Variants in PCDH9 observed in about 807,000 individuals in gnomAD.
The protein encoded by PCDH9 is protocadherin-9.
Under a neutral mutation model 70.6 loss-of-function variants are expected in PCDH9, and 24 were observed. That is an observed-to-expected ratio of 0.34 (90% CI 0.25 to 0.48). The LOEUF is 0.48. Among genes scored for constraint, PCDH9 ranks in the 20% least tolerant of loss-of-function variants. The probability of loss-of-function intolerance (pLI) is 0.99; values close to 1 mark genes in which losing one functional copy is unlikely to be tolerated. For synonymous variants in PCDH9, 562 were observed against 558.5 expected (o/e 1.01, Z -0.09); for missense variants, 1,281 against 1,503.6 (o/e 0.85, Z 2.45).
chr13:66,996,856 T>C (rs1374739833), intron 2 of PCDH9, among the ~76,000 whole-genome samples: 1 of 152,170 alleles, frequency 6.6e-6, no homozygotes, highest in Non-Finnish European at 1.5e-5. Flanking sequence ...AGGATTTTTA[T>C]AGAAAATTCA....
At chr13:66,606,028 A>G (rs1213320394) in intron 4 of PCDH9, among the ~76,000 whole-genome samples, 1 of 152,032 alleles carries the variant, frequency 6.6e-6, no homozygotes, top group Non-Finnish European at 1.5e-5. Flanking sequence ...TCGCCATTCC[A>G]TGGGGCTCCC....
At chr13:66,783,756 T>C (rs2080036501) in intron 3 of PCDH9, among the ~76,000 whole-genome samples, 1 of 152,164 alleles carries the variant, frequency 6.6e-6, no homozygotes, top group Non-Finnish European at 1.5e-5. Flanking sequence ...TTTGACACTA[T>C]CTATTCTTTC....
intron 4 of PCDH9, among the ~76,000 whole-genome samples, chr13:66,614,197 T>C (rs2077327750): frequency 6.6e-6 from 1 of 152,188 alleles, no homozygotes; most frequent in South Asian, 2.1e-4. Context: ...TAAGAAGGCA[T>C]GGAAATGTAA....
intron 3 of PCDH9, among the ~76,000 whole-genome samples, chr13:66,775,650 T>C (rs1476364530): frequency 6.6e-6 from 1 of 152,248 alleles, no homozygotes; most frequent in Non-Finnish European, 1.5e-5. Flanking sequence ...ATTTTCTTAA[T>C]AACACTTACT....
chr13:66,442,854 A>G (rs566641274), intron 4 of PCDH9, among the ~76,000 whole-genome samples: 1 of 152,348 alleles, frequency 6.6e-6, no homozygotes, highest in African/African-American at 2.4e-5. Flanking sequence ...ATTGACAAAA[A>G]GAATACTTAT....
chr13:67,045,554 A>G (rs933551993), intron 2 of PCDH9, among the ~76,000 whole-genome samples: 8 of 151,996 alleles, frequency 5.3e-5, no homozygotes, highest in Non-Finnish European at 8.8e-5. Flanking sequence ...CAACAACAAG[A>G]AAAACAAACA....
intron 2 of PCDH9, among the ~76,000 whole-genome samples, chr13:67,056,191 CTTAT>C (rs2138111304): frequency 6.6e-6 from 1 of 152,214 alleles, no homozygotes; most frequent in South Asian, 2.1e-4. Flanking sequence ...TTACAATTTA[CTTAT>C]TTAACAGTCA....
chr13:67,145,025 G>A (rs969389166), intron 2 of PCDH9, among the ~76,000 whole-genome samples: 1 of 152,054 alleles, frequency 6.6e-6, no homozygotes, highest in African/African-American at 2.4e-5. Context: ...GGAAGGTGAG[G>A]ATGTTCACAG....
intron 3 of PCDH9, among the ~76,000 whole-genome samples, chr13:66,647,215 G>T (rs1278794536): frequency 6.6e-6 from 1 of 152,158 alleles, no homozygotes; most frequent in Non-Finnish European, 1.5e-5. Context: ...ACCAGCCAGG[G>T]TTTCCAAGGA....
intron 3 of PCDH9, among the ~76,000 whole-genome samples, chr13:66,846,088 C>A (rs993680231): frequency 7.7e-6 from 1 of 129,206 alleles, no homozygotes. Context: ...GAGGCCATTA[C>A]AATCCAGGAT....
At chr13:66,318,371 A>G (rs1436948280) in intron 4 of PCDH9, among the ~76,000 whole-genome samples, 1 of 152,190 alleles carries the variant, frequency 6.6e-6, no homozygotes, top group Non-Finnish European at 1.5e-5. Flanking sequence ...TTTTATTAGT[A>G]GTGTGACGAG....
intron 4 of PCDH9, among the ~76,000 whole-genome samples, chr13:66,318,035 T>C (rs78344726): frequency 0.014 from 2,063 of 152,244 alleles, 25 homozygotes; most frequent in Middle Eastern, 0.024. Flanking sequence ...ATTACTCTGT[T>C]ATTGAAAATG....
chr13:67,078,244 G>A (rs139909775), intron 2 of PCDH9, among the ~76,000 whole-genome samples: 10 of 152,210 alleles, frequency 6.6e-5, no homozygotes, highest in Admixed American at 3.9e-4. Flanking sequence ...TGCTGGTACC[G>A]TGGCTCCCAG....
chr13:67,192,711 T>C (rs536476711), intron 2 of PCDH9, among the ~76,000 whole-genome samples: 5 of 152,120 alleles, frequency 3.3e-5, no homozygotes, highest in Non-Finnish European at 7.4e-5. Flanking sequence ...GTGAATGGAG[T>C]AGATTCCTGA....
intron 4 of PCDH9, among the ~76,000 whole-genome samples, chr13:66,598,428 A>G (rs1355908691): frequency 1.3e-5 from 2 of 151,884 alleles, no homozygotes; most frequent in Admixed American, 1.3e-4. Flanking sequence ...TATATTTAAG[A>G]TTATGCTTAA....
At chr13:66,970,644 CA>C (rs67043290) in intron 2 of PCDH9, among the ~76,000 whole-genome samples, 111,270 of 117,138 alleles carry the variant, frequency 0.95, 52,886 homozygotes, top group South Asian at 0.99. Context: ...AAAAAAAAAG[CA>C]AAAAAAAAAA....
At chr13:66,772,912 GAA>G (rs11332199) in intron 3 of PCDH9, among the ~76,000 whole-genome samples, 3 of 142,178 alleles carry the variant, frequency 2.1e-5, no homozygotes, top group East Asian at 2.0e-4. Context: ...AAGTAAACCA[GAA>G]AAAAAAAAAG....
intron 3 of PCDH9, among the ~76,000 whole-genome samples, chr13:66,761,126 C>G (rs1456901688): frequency 6.6e-6 from 1 of 152,028 alleles, no homozygotes; most frequent in Admixed American, 6.6e-5. Context: ...ATCTCTGCGA[C>G]CCACACCCTA....
intron 2 of PCDH9, among the ~76,000 whole-genome samples, chr13:67,149,159 A>G (rs1459938618): frequency 6.6e-6 from 1 of 152,148 alleles, no homozygotes; most frequent in Non-Finnish European, 1.5e-5. Flanking sequence ...ATTAAGATGA[A>G]TAATTACATT....
Sources: allele counts gnomAD v4.1 joint callset (sites outside exome capture counted in the v4.1 genomes callset), GRCh38; gene constraint gnomAD v4.1.1; transcripts MANE v1.5; gene names NCBI Gene and HGNC (gene_info 2026-07-23, HGNC 2026-07-21).